CHRM3: variants seen among roughly 807,000 people sequenced by gnomAD.
CHRM3 encodes the protein cholinergic receptor muscarinic 3, also known as muscarinic acetylcholine receptor M3.
Under a neutral mutation model 41.8 loss-of-function variants are expected in CHRM3, and 11 were observed. The ratio of observed to expected loss-of-function variants is 0.26; its 90% CI spans 0.17 to 0.44. CHRM3 has a LOEUF of 0.44. Among genes scored for constraint, CHRM3 ranks in the 20% least tolerant of loss-of-function variants. The pLI is 1.00. For synonymous variants in CHRM3, 297 were observed against 301.4 expected (o/e 0.99, Z 0.15); for missense variants, 571 against 745.4 (o/e 0.77, Z 2.72).
chr1:239,558,046 C>T (rs1445097891), intron 3 of CHRM3, among the ~76,000 whole-genome samples: 1 of 152,160 alleles, frequency 6.6e-6, no homozygotes, highest in East Asian at 1.9e-4. Flanking sequence ...TTCTTAATCT[C>T]TGAGGAATCA....
At chr1:239,401,723 C>T (rs1303231839) in intron 1 of CHRM3, among the ~76,000 whole-genome samples, 1 of 152,098 alleles carries the variant, frequency 6.6e-6, no homozygotes, top group Non-Finnish European at 1.5e-5. Flanking sequence ...GATCTCTTGA[C>T]CTCAGGCGAT....
chr1:239,588,546 T>G (rs887484672), intron 3 of CHRM3, among the ~76,000 whole-genome samples: 1 of 152,178 alleles, frequency 6.6e-6, no homozygotes, highest in Non-Finnish European at 1.5e-5. Flanking sequence ...CAGTACACAA[T>G]CATCTTCCTC....
intron 5 of CHRM3, among the ~76,000 whole-genome samples, chr1:239,697,737 C>G (rs1660329498): frequency 6.6e-6 from 1 of 152,162 alleles, no homozygotes; most frequent in South Asian, 2.1e-4. Context: ...GAGCTAAAAC[C>G]TGTGGCCTTG....
rs1573158183 is a variant in CHRM3 at position 239,656,492 on chromosome 1, A to AG, written c.-249-21693dup. ...AAGAAAAAAGAAAAAAGAAAAAAAA[A>AG]GTAGCTGGTGTGGTGATATGCATCT... On this transcript the variant is annotated intron_variant, in intron 4 of 6. Coordinates refer to ENST00000676153, the MANE Select transcript of CHRM3 (RefSeq NM_001375978.1). Among the ~76,000 whole-genome samples, 3 of 151,846 alleles carry AG rather than the reference A, an allele frequency of 2.0e-5. No individual in the cohort carries two copies. The East Asian group carries it at 5.9e-4, about 30-fold the overall frequency.
chr1:239,827,743 C>A (rs2149081775), intron 6 of CHRM3, among the ~76,000 whole-genome samples: 1 of 152,098 alleles, frequency 6.6e-6, no homozygotes, highest in East Asian at 1.9e-4. Context: ...CTTATAAATA[C>A]AAATTTAACC....
intron 5 of CHRM3, among the ~76,000 whole-genome samples, chr1:239,724,658 T>A (rs1196427858): frequency 3.3e-5 from 5 of 151,960 alleles, no homozygotes; most frequent in Non-Finnish European, 7.4e-5. Flanking sequence ...ATTCTTTAGT[T>A]GGGCATTTAT....
intron 3 of CHRM3, among the ~76,000 whole-genome samples, chr1:239,572,553 T>G (rs1661923835): frequency 6.6e-6 from 1 of 152,194 alleles, no homozygotes; most frequent in Non-Finnish European, 1.5e-5. Context: ...TCATTAGCAA[T>G]CAGCAAACTC....
At chr1:239,854,821 C>T (rs1173081934) in intron 6 of CHRM3, among the ~76,000 whole-genome samples, 1 of 152,096 alleles carries the variant, frequency 6.6e-6, no homozygotes, top group Non-Finnish European at 1.5e-5. Context: ...TTCCATCATT[C>T]TTTTAAAGCT....
chr1:239,758,981 G>A lies in CHRM3; in HGVS notation c.-146-68271G>A, dbSNP rs921226048. 6.6e-5 allele frequency among the ~76,000 whole-genome samples: 10 copies of A among 152,152 alleles called. 1 individual carries two copies. The highest frequency in any genetic ancestry group is 2.4e-4 in the African/African-American group (10 of 41,446). ...CTAAGGCTTCTTTTGTAAGAAGTAA[G>A]AGAATCAGCAGTATAGGTTGTCTTA... On this transcript the variant is annotated intron_variant, in intron 5 of 6. Coordinates refer to ENST00000676153, the MANE Select transcript of CHRM3 (RefSeq NM_001375978.1).
intron 6 of CHRM3, among the ~76,000 whole-genome samples, chr1:239,863,120 C>A (rs1572521217): frequency 6.6e-6 from 1 of 152,254 alleles, no homozygotes; most frequent in East Asian, 1.9e-4. Flanking sequence ...AAACTCAAAC[C>A]CAGGCCTGTT....
Position 239,408,789 on chromosome 1 carries a change from A to ATTT in CHRM3, c.-521+21574_-521+21576dup, listed in dbSNP as rs66799037. 2.0e-3 allele frequency among the ~76,000 whole-genome samples: 294 copies of ATTT among 144,400 alleles called. 1 individual carries two copies. Among genetic ancestry groups the ATTT allele is most frequent in the African/African-American group, 7.1e-3 (280 of 39,298 alleles). The allele number at this position is 144,400 out of a possible 152,430, so 94.7% of individuals were successfully genotyped here. On this transcript the variant is annotated intron_variant, in intron 1 of 6. Transcript: ENST00000676153. ...GGTGCACAACAGCGTGGCTGGCTAG[A>ATTT]TTTTTTTTTTTTTTCAGACATGGGG... is the stretch of plus-strand genomic sequence containing the variant.
At chr1:239,899,587 A>T (rs915920018) in intron 6 of CHRM3, among the ~76,000 whole-genome samples, 1 of 151,796 alleles carries the variant, frequency 6.6e-6, no homozygotes, top group African/African-American at 2.4e-5. Flanking sequence ...ATATATAGTA[A>T]GTTCAACATG....
chr1:239,794,885 C>A (rs974769060), intron 5 of CHRM3, among the ~76,000 whole-genome samples: 1 of 152,110 alleles, frequency 6.6e-6, no homozygotes, highest in Non-Finnish European at 1.5e-5. Context: ...AGCAGAATAG[C>A]CATTATGTTG....
intron 1 of CHRM3, among the ~76,000 whole-genome samples, chr1:239,421,049 G>T (rs371221881): frequency 1.3e-5 from 2 of 152,128 alleles, no homozygotes; most frequent in Non-Finnish European, 2.9e-5. Context: ...CTAAGTACAC[G>T]TATTATTTTA....
chr1:239,588,098 A>T (rs1180969124), intron 3 of CHRM3, among the ~76,000 whole-genome samples: 1 of 152,200 alleles, frequency 6.6e-6, no homozygotes. Flanking sequence ...CTGCATAAAA[A>T]CTTTTGAATA....
At chr1:239,396,213 A>C (rs1659464039) in intron 1 of CHRM3, among the ~76,000 whole-genome samples, 1 of 152,132 alleles carries the variant, frequency 6.6e-6, no homozygotes, top group African/African-American at 2.4e-5. Context: ...TGTGTGCCAC[A>C]AATTGTTTGA....
intron 5 of CHRM3, among the ~76,000 whole-genome samples, chr1:239,679,143 C>G (rs1182477940): frequency 6.6e-6 from 1 of 151,970 alleles, no homozygotes; most frequent in Non-Finnish European, 1.5e-5. Context: ...CTAAGGGATA[C>G]TTTATTACAA....
At chr1:239,697,038 A>G (rs1660260664) in intron 5 of CHRM3, among the ~76,000 whole-genome samples, 1 of 152,214 alleles carries the variant, frequency 6.6e-6, no homozygotes, top group South Asian at 2.1e-4. Flanking sequence ...ACTAAGGATG[A>G]TTATTTTAGT....
chr1:239,386,837 G>C lies in CHRM3; in HGVS notation c.-911G>C, dbSNP rs1658546180. 6.6e-6 allele frequency: 1 copy of C among 152,168 alleles called. No homozygotes were observed. The highest frequency in any genetic ancestry group is 2.4e-5 in the African/African-American group (1 of 41,436). The allele number at this position is 152,168 out of a possible 1,614,324, so 9.4% of individuals were successfully genotyped here. On this transcript the variant is annotated 5_prime_UTR_variant, in exon 1 of 7. Coordinates refer to ENST00000676153, the MANE Select transcript of CHRM3 (RefSeq NM_001375978.1). ...GAACAGAAAGGGCCGGAGCGTGCAG[G>C]GGAGCACAGGGCGCGGGGGCGGCAC...
Sources: allele counts gnomAD v4.1 joint callset (sites outside exome capture counted in the v4.1 genomes callset), GRCh38; gene constraint gnomAD v4.1.1; transcripts MANE v1.5; gene names NCBI Gene and HGNC (gene_info 2026-07-23, HGNC 2026-07-21).